PDE4B: variants seen among roughly 807,000 people sequenced by gnomAD.
The protein encoded by PDE4B is phosphodiesterase 4B, also known as 3',5'-cyclic-AMP phosphodiesterase 4B.
In PDE4B, 20 loss-of-function variants were observed where a neutral mutation model predicts 82.2. The ratio of observed to expected loss-of-function variants is 0.24; its 90% CI spans 0.17 to 0.35. PDE4B has a LOEUF of 0.35. Ranked by LOEUF, PDE4B falls within the 10% of genes least tolerant of loss-of-function variation. The pLI, the probability that PDE4B is intolerant of heterozygous loss-of-function variation, is 1.00. For missense variants in PDE4B, 655 were observed against 907.2 expected, an observed-to-expected ratio of 0.72 and a Z score of 3.57; for synonymous variants, 320 against 318.9, an observed-to-expected ratio of 1.00 and a Z score of -0.04.
intron 1 of PDE4B, among the ~76,000 whole-genome samples, chr1:65,846,910 A>C (rs10493390): frequency 0.016 from 2,419 of 152,298 alleles, 54 homozygotes; most frequent in African/African-American, 0.056. Flanking sequence ...TACAGGGAAA[A>C]ACAGTACATT....
At chr1:65,907,824 C>G (rs1482524897) in intron 1 of PDE4B, among the ~76,000 whole-genome samples, 11 of 152,126 alleles carry the variant, frequency 7.2e-5, no homozygotes, top group Admixed American at 7.2e-4. Flanking sequence ...ATTTTCTCAT[C>G]TAAAAGGAGA....
intron 1 of PDE4B, among the ~76,000 whole-genome samples, chr1:65,871,375 T>C (rs1311057761): frequency 6.6e-6 from 1 of 152,222 alleles, no homozygotes; most frequent in African/African-American, 2.4e-5. Flanking sequence ...TTAGTTTAAC[T>C]GTTGACTTAA....
At chr1:66,057,973 A>C (rs1423379611) in intron 3 of PDE4B, among the ~76,000 whole-genome samples, 3 of 152,212 alleles carry the variant, frequency 2.0e-5, no homozygotes, top group African/African-American at 7.2e-5. Context: ...CACAGTTCAC[A>C]AAGTCTCATC....
intron 1 of PDE4B, among the ~76,000 whole-genome samples, chr1:65,833,954 C>T (rs1269314429): frequency 6.6e-6 from 1 of 152,170 alleles, no homozygotes; most frequent in Non-Finnish European, 1.5e-5. Flanking sequence ...TTATTTATAT[C>T]TATCATGTCT....
chr1:65,895,372 A>G (rs1646897798), intron 1 of PDE4B, among the ~76,000 whole-genome samples: 1 of 151,996 alleles, frequency 6.6e-6, no homozygotes, highest in African/African-American at 2.4e-5. Context: ...CAACATGGTG[A>G]AACCCCATCT....
At chr1:66,309,586 A>G (rs1471212942) in intron 7 of PDE4B, among the ~76,000 whole-genome samples, 1 of 152,204 alleles carries the variant, frequency 6.6e-6, no homozygotes. Flanking sequence ...ATTGCAGCAA[A>G]GTTTAGCCAG....
intron 3 of PDE4B, among the ~76,000 whole-genome samples, chr1:66,052,016 G>A (rs1344317937): frequency 6.6e-6 from 1 of 152,090 alleles, no homozygotes; most frequent in African/African-American, 2.4e-5. Flanking sequence ...AGGTGGTGGG[G>A]CCTGCATTGA....
chr1:66,296,721 A>G (rs1001960525), intron 7 of PDE4B, among the ~76,000 whole-genome samples: 1 of 152,176 alleles, frequency 6.6e-6, no homozygotes, highest in African/African-American at 2.4e-5. Context: ...AGGCTGGCGC[A>G]TATTTGTTGA....
chr1:65,873,967 G>A (rs1646606129), intron 1 of PDE4B, among the ~76,000 whole-genome samples: 1 of 149,016 alleles, frequency 6.7e-6, no homozygotes, highest in Non-Finnish European at 1.5e-5. Flanking sequence ...GTCATTGGTA[G>A]CTTGATGGGG....
At chr1:66,013,578 T>C (rs1652608777) in intron 3 of PDE4B, among the ~76,000 whole-genome samples, 1 of 152,080 alleles carries the variant, frequency 6.6e-6, no homozygotes, top group South Asian at 2.1e-4. Context: ...GCAACCAGCC[T>C]CCAGAACTCT....
chr1:65,986,094 C>T (rs1317611), intron 3 of PDE4B, among the ~76,000 whole-genome samples: 5 of 151,924 alleles, frequency 3.3e-5, no homozygotes, highest in Admixed American at 6.6e-5. Flanking sequence ...AAGACAGTAA[C>T]AAAAATGCAG....
At chr1:66,013,849 A>C (rs564620290) in intron 3 of PDE4B, among the ~76,000 whole-genome samples, 8 of 152,108 alleles carry the variant, frequency 5.3e-5, no homozygotes, top group Admixed American at 3.3e-4. Context: ...TGATAATTCT[A>C]TTTTTAATTT....
intron 1 of PDE4B, among the ~76,000 whole-genome samples, chr1:65,804,863 G>A (rs913901215): frequency 1.3e-5 from 2 of 149,482 alleles, no homozygotes; most frequent in Non-Finnish European, 3.0e-5. Context: ...TAGAGTAGAG[G>A]TGCTTATTTT....
intron 3 of PDE4B, among the ~76,000 whole-genome samples, chr1:66,124,673 G>A (rs1214445626): frequency 6.6e-6 from 1 of 152,126 alleles, no homozygotes; most frequent in Non-Finnish European, 1.5e-5. Context: ...CTCACTGAAG[G>A]TAGGTACAGC....
intron 3 of PDE4B, among the ~76,000 whole-genome samples, chr1:66,031,781 T>C (rs1428664358): frequency 1.3e-5 from 2 of 151,626 alleles, no homozygotes; most frequent in Non-Finnish European, 2.9e-5. Flanking sequence ...CAAAGTTTTT[T>C]CTCCTGTCAA....
chr1:66,350,213 T>C (rs373108228), intron 8 of PDE4B, among the ~76,000 whole-genome samples: 1 of 152,080 alleles, frequency 6.6e-6, no homozygotes, highest in Non-Finnish European at 1.5e-5. Flanking sequence ...CAAAAGTTAG[T>C]CCCTAATAAA....
chr1:65,887,333 C>A (rs1166093406), intron 1 of PDE4B, among the ~76,000 whole-genome samples: 1 of 63,096 alleles, frequency 1.6e-5, no homozygotes, highest in Non-Finnish European at 2.9e-5. Flanking sequence ...TCCTTCTTTT[C>A]TTTCATTTTC....
chr1:66,283,315 AG>A (rs150334545), intron 7 of PDE4B, among the ~76,000 whole-genome samples: 1,916 of 152,064 alleles, frequency 0.013, 51 homozygotes, highest in African/African-American at 0.044. Flanking sequence ...CCAATTATAG[AG>A]GAAAGACCAA....
intron 1 of PDE4B, among the ~76,000 whole-genome samples, chr1:65,816,092 A>G (rs17097219): frequency 0.077 from 11,678 of 152,066 alleles, 752 homozygotes; most frequent in East Asian, 0.36. Context: ...AAGTGTTATC[A>G]AAAGTCAAGT....
Sources: allele counts gnomAD v4.1 joint callset (sites outside exome capture counted in the v4.1 genomes callset), GRCh38; gene constraint gnomAD v4.1.1; transcripts MANE v1.5; gene names NCBI Gene and HGNC (gene_info 2026-07-23, HGNC 2026-07-21).